Variants in CAMKMT observed in about 807,000 individuals in gnomAD.
The protein encoded by CAMKMT is calmodulin-lysine N-methyltransferase, also known as CaM KMT.
CAMKMT carries 53 observed loss-of-function variants against 48.0 expected under a neutral mutation model. The observed-to-expected ratio is 1.10, with a 90% confidence interval of 0.89 to 1.39. CAMKMT has a LOEUF of 1.39. Ranked by LOEUF, CAMKMT falls within the 40% of genes most tolerant of loss-of-function variation. The pLI, the probability that CAMKMT is intolerant of heterozygous loss-of-function variation, is 0.00. For synonymous variants in CAMKMT, 165 were observed against 152.3 expected (o/e 1.08, Z -0.61); for missense variants, 428 against 402.7 (o/e 1.06, Z -0.54).
At chr2:44,478,787 A>G (rs698814) in intron 3 of CAMKMT, among the ~76,000 whole-genome samples, 117,454 of 149,968 alleles carry the variant, frequency 0.78, 46,041 homozygotes, top group South Asian at 0.88. Context: ...TGCAAGCTCC[A>G]CCTTCTGGGT....
chr2:44,512,756 A>G (rs1414550168), intron 3 of CAMKMT, among the ~76,000 whole-genome samples: 1 of 152,258 alleles, frequency 6.6e-6, no homozygotes, highest in African/African-American at 2.4e-5. Context: ...AATGGGCTTC[A>G]TTATACTTGC....
intron 3 of CAMKMT, among the ~76,000 whole-genome samples, chr2:44,584,091 G>C (rs1030912316): frequency 1.3e-4 from 20 of 152,106 alleles, no homozygotes; most frequent in African/African-American, 4.6e-4. Flanking sequence ...TGTTTTTCGA[G>C]TTTCAGATAA....
At chr2:44,510,683 G>T (rs1670497044) in intron 3 of CAMKMT, among the ~76,000 whole-genome samples, 1 of 151,936 alleles carries the variant, frequency 6.6e-6, no homozygotes, top group African/African-American at 2.4e-5. Flanking sequence ...TAGTTTTCGG[G>T]GTACAGATGG....
At chr2:44,648,138 G>T (rs1359897539) in intron 3 of CAMKMT, among the ~76,000 whole-genome samples, 4 of 151,950 alleles carry the variant, frequency 2.6e-5, no homozygotes, top group Non-Finnish European at 5.9e-5. Flanking sequence ...TGAAAAAAAA[G>T]CTTGTTGTAG....
intron 6 of CAMKMT, among the ~76,000 whole-genome samples, chr2:44,708,927 T>G (rs1007095039): frequency 6.6e-6 from 1 of 152,056 alleles, no homozygotes; most frequent in Non-Finnish European, 1.5e-5. Context: ...GGTGTCTTAT[T>G]TAATAGCGTC....
intron 3 of CAMKMT, among the ~76,000 whole-genome samples, chr2:44,621,266 C>CAAAAAAAAAAAAAAAAAAAAAAA: frequency 1.2e-5 from 1 of 84,524 alleles, no homozygotes; most frequent in African/African-American, 5.3e-5. Context: ...GACTCCATCT[C>CAAAAAAAAAAAAAAAAAAAAAAA]AAAAAAAAAA....
intron 3 of CAMKMT, among the ~76,000 whole-genome samples, chr2:44,604,684 C>T (rs960210475): frequency 1.1e-4 from 17 of 151,192 alleles, no homozygotes; most frequent in Admixed American, 4.0e-4. Flanking sequence ...TCACTGTAAA[C>T]TTTCAGGATC....
chr2:44,632,764 A>G (rs757853523), intron 3 of CAMKMT, among the ~76,000 whole-genome samples: 2 of 152,180 alleles, frequency 1.3e-5, no homozygotes, highest in African/African-American at 2.4e-5. Context: ...CAGTGTGGCT[A>G]GAATATAAGG....
intron 9 of CAMKMT, among the ~76,000 whole-genome samples, chr2:44,759,763 C>G (rs1680534944): frequency 1.3e-5 from 2 of 152,140 alleles, no homozygotes; most frequent in Non-Finnish European, 1.5e-5. Context: ...AATATCTACC[C>G]AGATGCTGTT....
At chr2:44,491,448 T>G (rs1669501112) in intron 3 of CAMKMT, among the ~76,000 whole-genome samples, 1 of 152,220 alleles carries the variant, frequency 6.6e-6, no homozygotes, top group Non-Finnish European at 1.5e-5. Flanking sequence ...GCCGTACCTT[T>G]TGGTACACCA....
Position 44,743,489 on chromosome 2 carries a change from T to C in CAMKMT, c.624-133T>C, listed in dbSNP as rs139114206. 781 of 618,270 alleles carry C rather than the reference T, an allele frequency of 1.3e-3. 8 individuals carry two copies. In the African/African-American group the frequency reaches 0.013, roughly 11 times the overall value. 38.3% of individuals were successfully genotyped at this position (618,270 alleles called of 1,614,324 possible). ...GAAGACAGTTACATCCTATTTTTTA[T>C]TATACCTTTTGAAATAATTTGTATA... is the stretch of plus-strand genomic sequence containing the variant. On this transcript the variant is annotated intron_variant, in intron 7 of 10. Coordinates refer to ENST00000378494, the MANE Select transcript of CAMKMT (RefSeq NM_024766.5).
intron 3 of CAMKMT, among the ~76,000 whole-genome samples, chr2:44,419,308 G>T (rs1441119710): frequency 6.6e-6 from 1 of 152,198 alleles, no homozygotes; most frequent in East Asian, 1.9e-4. Context: ...TGGACATGTT[G>T]AATGTTTCTA....
chr2:44,579,377 C>G (rs1166409727), intron 3 of CAMKMT, among the ~76,000 whole-genome samples: 1 of 152,122 alleles, frequency 6.6e-6, no homozygotes, highest in Admixed American at 6.5e-5. Context: ...ATGCAAAGCT[C>G]TTGTACAGGT....
intron 3 of CAMKMT, among the ~76,000 whole-genome samples, chr2:44,570,015 C>A (rs764385449): frequency 1.3e-5 from 2 of 151,976 alleles, no homozygotes; most frequent in Non-Finnish European, 2.9e-5. Flanking sequence ...ATACCAAATT[C>A]ATAGAGATGC....
chr2:44,697,777 A>C (rs150420768), intron 3 of CAMKMT, among the ~76,000 whole-genome samples: 17 of 152,296 alleles, frequency 1.1e-4, no homozygotes, highest in African/African-American at 4.1e-4. Flanking sequence ...AGGAATAGAG[A>C]TAAAAGCAAA....
chr2:44,532,197 T>C (rs536243956), intron 3 of CAMKMT, among the ~76,000 whole-genome samples: 67 of 152,328 alleles, frequency 4.4e-4, no homozygotes, highest in African/African-American at 1.6e-3. Context: ...TATTTGCTTT[T>C]AAAGTGTCAA....
intron 3 of CAMKMT, among the ~76,000 whole-genome samples, chr2:44,531,034 G>A (rs1449319025): frequency 5.3e-5 from 8 of 151,708 alleles, no homozygotes. Context: ...TTAATATGAG[G>A]AACACAGGCT....
At chr2:44,636,404 C>T (rs563230394) in intron 3 of CAMKMT, among the ~76,000 whole-genome samples, 1 of 152,182 alleles carries the variant, frequency 6.6e-6, no homozygotes, top group Non-Finnish European at 1.5e-5. Context: ...AAGAACCAGT[C>T]CCGAGGAAAA....
At chr2:44,720,243 A>G (rs1415903675) in intron 7 of CAMKMT, among the ~76,000 whole-genome samples, 2 of 152,194 alleles carry the variant, frequency 1.3e-5, no homozygotes, top group Non-Finnish European at 2.9e-5. Flanking sequence ...CTTAAACTAC[A>G]GTCAATTAAA....
Sources: gnomAD v4.1 joint callset for allele counts (sites outside exome capture counted in the v4.1 genomes callset) on GRCh38, gnomAD v4.1.1 for gene constraint, MANE v1.5 for transcripts, NCBI Gene and HGNC (gene_info 2026-07-23, HGNC 2026-07-21) for gene names.